Variants in CLCN5 observed in about 807,000 individuals in gnomAD.
CLCN5 encodes H(+)/Cl(-) exchange transporter 5.
CLCN5 carries 17 observed loss-of-function variants against 54.0 expected under a neutral mutation model. The ratio of observed to expected loss-of-function variants is 0.31; its 90% CI spans 0.22 to 0.47. The LOEUF is 0.47. Ranked by LOEUF, CLCN5 falls within the 20% of genes least tolerant of loss-of-function variation. The pLI is 1.00. For synonymous variants in CLCN5, 222 were observed against 233.0 expected (o/e 0.95, Z 0.43); for missense variants, 448 against 646.7 (o/e 0.69, Z 3.33).
At position 50,092,386 on chromosome X, in the gene CLCN5, T is replaced by A. The variant is rs1934133089; in HGVS notation, c.*167T>A. 2.3e-6 allele frequency: 1 copy of A among 440,362 alleles called. No individual in the cohort carries two copies. Among genetic ancestry groups the A allele is most frequent in the South Asian group, 3.7e-5 (1 of 26,949 alleles). 36.3% of individuals were successfully genotyped at this position (440,362 alleles called of 1,213,427 possible). A position where few individuals can be genotyped will look rare whatever the true frequency, so the allele number is the denominator to read the frequency against. On this transcript the variant is annotated 3_prime_UTR_variant, in exon 15 of 15. Transcript: ENST00000376091. ...GTTGCACTACATAATCTCTGGAAAT[T>A]AATTTTCTCTTTAGGAGAAATTATA...
At chrX:50,051,424 C>T (rs1357781857) in intron 4 of CLCN5, among the ~76,000 whole-genome samples, 2 of 112,038 alleles carry the variant, frequency 1.8e-5, no homozygotes, top group Non-Finnish European at 3.8e-5. Flanking sequence ...ATTACTATGG[C>T]TTTATGGTAA....
intron 3 of CLCN5, among the ~76,000 whole-genome samples, chrX:49,986,634 G>A (rs6651600): frequency 0.032 from 3,542 of 111,662 alleles, 136 homozygotes; most frequent in African/African-American, 0.11. Context: ...AGATGATTAA[G>A]AGTTTCCTTT....
At chrX:50,007,101 A>G (rs994459031) in intron 3 of CLCN5, among the ~76,000 whole-genome samples, 2 of 111,715 alleles carry the variant, frequency 1.8e-5, no homozygotes, top group Non-Finnish European at 3.8e-5. Flanking sequence ...GCCCTCCCAG[A>G]AAGGGCAGTG....
chrX:50,017,069 T>C (rs1930823975), intron 3 of CLCN5, among the ~76,000 whole-genome samples: 1 of 111,950 alleles, frequency 8.9e-6, no homozygotes, highest in Non-Finnish European at 1.9e-5. Flanking sequence ...TTGGCAATTA[T>C]GAATAAAGCT....
chrX:49,967,215 T>TGGC (rs2060334791), intron 3 of CLCN5, among the ~76,000 whole-genome samples: 1 of 24,234 alleles, frequency 4.1e-5, no homozygotes, highest in Non-Finnish European at 6.3e-5. Flanking sequence ...ATGGTTGAAC[T>TGGC]AGTTTACAGT....
chrX:50,010,373 T>G (rs1232077431), intron 3 of CLCN5, among the ~76,000 whole-genome samples: 2 of 110,528 alleles, frequency 1.8e-5, no homozygotes, highest in African/African-American at 3.3e-5. Flanking sequence ...CTCAAATAGC[T>G]GGGACCACAG....
chrX:50,052,475 C>T (rs113269538), intron 4 of CLCN5, among the ~76,000 whole-genome samples: 6,427 of 111,455 alleles, frequency 0.058, 497 homozygotes, highest in African/African-American at 0.2. Flanking sequence ...CATCTATGTT[C>T]ATGAAAGGTA....
At chrX:50,048,395 G>T (rs868953336) in intron 4 of CLCN5, among the ~76,000 whole-genome samples, 32 of 112,695 alleles carry the variant, frequency 2.8e-4, no homozygotes, top group African/African-American at 1.0e-3. Context: ...TCACACGTAG[G>T]ACTAGGAAGT....
intron 4 of CLCN5, among the ~76,000 whole-genome samples, chrX:50,055,013 T>G (rs1193676471): frequency 6.3e-5 from 7 of 111,497 alleles, no homozygotes; most frequent in African/African-American, 1.6e-4. Flanking sequence ...TGTAGCCGTA[T>G]GAGTATAGCT....
intron 4 of CLCN5, among the ~76,000 whole-genome samples, chrX:50,057,213 G>T (rs889963773): frequency 9.1e-6 from 1 of 109,303 alleles, no homozygotes; most frequent in Non-Finnish European, 1.9e-5. Context: ...AGGGTGAGGT[G>T]GGGGAGGAGA....
At chrX:50,038,172 G>A (rs782312001) in intron 3 of CLCN5, among the ~76,000 whole-genome samples, 40 of 111,739 alleles carry the variant, frequency 3.6e-4, no homozygotes, top group Non-Finnish European at 6.2e-4. Flanking sequence ...AATAGCAATA[G>A]ATTATAACCC....
At chrX:50,033,692 A>G (rs1185765593) in intron 3 of CLCN5, among the ~76,000 whole-genome samples, 1 of 111,856 alleles carries the variant, frequency 8.9e-6, no homozygotes, top group Non-Finnish European at 1.9e-5. Flanking sequence ...TGGAACCAAA[A>G]AAGAACCCAC....
chrX:49,941,734 G>T (rs1280041057), intron 3 of CLCN5, among the ~76,000 whole-genome samples: 2 of 110,361 alleles, frequency 1.8e-5, no homozygotes, highest in South Asian at 3.8e-4. Flanking sequence ...TATCTCAAAA[G>T]TTGCATTATT....
chrX:50,072,410 T>C lies in CLCN5; in HGVS notation c.316-79T>C, dbSNP rs1557191598. Reference sequence around the variant, plus strand: ...TCTCTATTCTCCAGTGATTTGTCTTTGTATTTCTTTGTTGAACAGTTTTTA... The same window carrying C: ...TCTCTATTCTCCAGTGATTTGTCTTCGTATTTCTTTGTTGAACAGTTTTTA... On this transcript the variant is annotated intron_variant, in intron 5 of 14. Transcript: ENST00000376091. 9 of 696,619 alleles carry C rather than the reference T, an allele frequency of 1.3e-5. No homozygotes were observed. The East Asian group carries it at 2.6e-4, about 20-fold the overall frequency. The allele number at this position is 696,619 out of a possible 1,213,427, so 57.4% of individuals were successfully genotyped here.
At position 50,090,263 on chromosome X, in the gene CLCN5, A is replaced by G; in HGVS notation, c.1892A>G (p.His631Arg). The part of the protein sequence containing the change: ...ALGREGIYDA[H>R]IRLNGYPFLE... ...GGGCGGGAGGGCATCTATGATGCCC[A>G]CATCCGTCTCAATGGATACCCCTTT... is the stretch of plus-strand genomic sequence containing the variant. The change falls in exon 13 of 15, where the codon CAC becomes CGC. Residue 631 changes from histidine (H) to arginine (R), a missense_variant. Coordinates refer to ENST00000376091, the MANE Select transcript of CLCN5 (RefSeq NM_001127898.4). 8.3e-7 allele frequency: 1 copy of G among 1,211,749 alleles called. No homozygotes were observed. Among genetic ancestry groups the G allele is most frequent in the African/African-American group, 1.7e-5 (1 of 57,889 alleles).
intron 3 of CLCN5, chrX:50,008,992 G>A (rs1419686464): frequency 5.2e-6 from 2 of 384,502 alleles, no homozygotes; most frequent in Admixed American, 5.1e-5. Flanking sequence ...AGGTGTGAGT[G>A]CTATTTCAGT....
At chrX:49,996,706 TTAAG>T (rs1216944428) in intron 3 of CLCN5, among the ~76,000 whole-genome samples, 1 of 112,376 alleles carries the variant, frequency 8.9e-6, no homozygotes, top group African/African-American at 3.2e-5. Flanking sequence ...AATGGACACA[TTAAG>T]TAAGAGGAAC....
At chrX:50,074,582 A>C (rs1213408388) in intron 6 of CLCN5, among the ~76,000 whole-genome samples, 3 of 112,309 alleles carry the variant, frequency 2.7e-5, no homozygotes, top group Non-Finnish European at 5.6e-5. Context: ...AATGTGTTAG[A>C]TTTGACTAGA....
intron 3 of CLCN5, among the ~76,000 whole-genome samples, chrX:49,958,685 C>A (rs181478619): frequency 5.0e-3 from 554 of 111,364 alleles, no homozygotes; most frequent in Non-Finnish European, 8.7e-3. Flanking sequence ...TAGGTTATCT[C>A]AATACTATAA....
Sources: allele counts gnomAD v4.1 joint callset (sites outside exome capture counted in the v4.1 genomes callset), GRCh38; gene constraint gnomAD v4.1.1; transcripts MANE v1.5; gene names NCBI Gene and HGNC (gene_info 2026-07-23, HGNC 2026-07-21).